The following GUCY2F variants were observed in gnomAD, a reference collection of about 807,000 sequenced individuals.
The protein encoded by GUCY2F is guanylate cyclase 2F, retinal, also known as retinal guanylyl cyclase 2.
A neutral mutation model predicts 73.1 loss-of-function variants in GUCY2F; 61 were observed. The observed-to-expected ratio is 0.83, with a 90% CI of 0.68 to 1.03. The LOEUF is 1.03. Among genes scored for constraint, GUCY2F ranks in the 50% least tolerant of loss-of-function variants. The probability of loss-of-function intolerance (pLI) is 0.00; values close to 1 mark genes in which losing one functional copy is unlikely to be tolerated. For synonymous variants in GUCY2F, 331 were observed against 307.8 expected, an observed-to-expected ratio of 1.08 and a Z score of -0.79; for missense variants, 912 against 854.3, an observed-to-expected ratio of 1.07 and a Z score of -0.84.
At chrX:109,453,948 C>T in intron 3 of GUCY2F, 89 bp from the exon 4 acceptor site, 1 of 490,148 alleles carries the variant, frequency 2.0e-6, no homozygotes, top group Non-Finnish European at 3.3e-6. Context: ...TTATTATGGT[C>T]TGCACATCTG....
chrX:109,380,955 T>G, intron 17 of GUCY2F, among the ~76,000 whole-genome samples: 1 of 111,901 alleles, frequency 8.9e-6, no homozygotes, highest in Non-Finnish European at 1.9e-5. Flanking sequence ...GACAGTTAGA[T>G]TCGCTGCCCA....
chrX:109,418,324 T>G (rs1425100559), intron 8 of GUCY2F, among the ~76,000 whole-genome samples: 1 of 112,019 alleles, frequency 8.9e-6, no homozygotes, highest in East Asian at 2.8e-4. Context: ...TTGATATTGA[T>G]AGGACTCTAT....
rs760536170 is a variant in GUCY2F at position 109,381,824 on chromosome X, G to A, written c.3150+294C>T. Among the ~76,000 whole-genome samples the A allele has an allele frequency of 4.4e-5, 5 of 112,752 alleles. No homozygotes were observed. The East Asian group carries it at 1.4e-3, about 32-fold the overall frequency. ...GTTAGAAAATGTAAATAATAGTGCA[G>A]CTCATTGGAAAGCCAAATTCTGTGC... On this transcript the variant is annotated intron_variant, in intron 17 of 19. Coordinates refer to ENST00000218006, the MANE Select transcript of GUCY2F (RefSeq NM_001522.3).
chrX:109,396,053 C>A (rs1366941059), intron 11 of GUCY2F, among the ~76,000 whole-genome samples: 1 of 112,364 alleles, frequency 8.9e-6, no homozygotes, highest in Non-Finnish European at 1.9e-5. Context: ...TGCATTATTT[C>A]ACTGGATTCT....
chrX:109,468,603 C>G (rs1932515676), intron 2 of GUCY2F, among the ~76,000 whole-genome samples: 1 of 111,696 alleles, frequency 9.0e-6, no homozygotes, highest in Non-Finnish European at 1.9e-5. Flanking sequence ...CTAAATCTCT[C>G]CTCTTTATTT....
intron 7 of GUCY2F, among the ~76,000 whole-genome samples, chrX:109,438,447 C>T (rs1338774609): frequency 8.9e-6 from 1 of 112,648 alleles, no homozygotes; most frequent in African/African-American, 3.2e-5. Flanking sequence ...CATGTTCTTC[C>T]GAAATACAAT....
At chrX:109,448,017 G>A (rs1437039068) in intron 6 of GUCY2F, 52 bp downstream of exon 6, 5 of 603,677 alleles carry the variant, frequency 8.3e-6, no homozygotes, top group African/African-American at 2.2e-5. Context: ...ATTATTTGTG[G>A]CTTGTGGCTA....
At chrX:109,404,297 G>T (rs754287758) in intron 10 of GUCY2F, 31 bp downstream of exon 10, 1 of 1,067,016 alleles carries the variant, frequency 9.4e-7, no homozygotes, top group Admixed American at 2.4e-5. Context: ...GTTACCTCGT[G>T]TGCATCAGAA....
chrX:109,468,624 G>A (rs1272620457), intron 2 of GUCY2F, among the ~76,000 whole-genome samples: 1 of 110,972 alleles, frequency 9.0e-6, no homozygotes, highest in Non-Finnish European at 1.9e-5. Context: ...TTCTTTCATT[G>A]ACCCATACTG....
intron 16 of GUCY2F, among the ~76,000 whole-genome samples, chrX:109,382,881 G>T (rs1305351775): frequency 9.0e-6 from 1 of 111,711 alleles, no homozygotes; most frequent in Non-Finnish European, 1.9e-5. Context: ...GAACCTAAGG[G>T]TAATTATTTG....
At chrX:109,471,265 T>C (rs1428119653) in intron 2 of GUCY2F, among the ~76,000 whole-genome samples, 1 of 111,586 alleles carries the variant, frequency 9.0e-6, no homozygotes, top group Non-Finnish European at 1.9e-5. Context: ...TAAGCCCAGA[T>C]TGAAAGGATT....
intron 8 of GUCY2F, among the ~76,000 whole-genome samples, chrX:109,422,245 T>C (rs187475872): frequency 8.9e-6 from 1 of 111,891 alleles, no homozygotes; most frequent in East Asian, 2.8e-4. Context: ...ATAGAAAACA[T>C]ATTTTATAAA....
rs759874490 is a variant in GUCY2F, at chrX:109,404,426, C to A, written c.2027G>T (p.Cys676Phe). 1 of 1,191,508 alleles carries A rather than the reference C, an allele frequency of 8.4e-7. No individual in the cohort carries two copies. Among genetic ancestry groups the A allele is most frequent in the South Asian group, 1.8e-5 (1 of 56,371 alleles). Residue 676 changes from cysteine (C) to phenylalanine (F), a missense_variant, in exon 10 of 20, where the codon TGT becomes TTT. Transcript: ENST00000218006. ...TAGTACAAAACGCCCATCTACCACA[C>A]AGTTTCGAGACTTTAGCCTCCCATG... ...FVHGRLKSRN[C>F]VVDGRFVLKV...
intron 7 of GUCY2F, among the ~76,000 whole-genome samples, chrX:109,431,763 C>T (rs1349119510): frequency 9.1e-6 from 1 of 109,439 alleles, no homozygotes; most frequent in Non-Finnish European, 1.9e-5. Context: ...TATGGCACTG[C>T]ATCTGGAAAC....
At chrX:109,464,763 T>C (rs1470556763) in intron 3 of GUCY2F, among the ~76,000 whole-genome samples, 1 of 112,357 alleles carries the variant, frequency 8.9e-6, no homozygotes, top group Non-Finnish European at 1.9e-5. Context: ...ATAAAGGAAA[T>C]AGTTTCTTAT....
intron 3 of GUCY2F, among the ~76,000 whole-genome samples, chrX:109,463,371 C>T (rs780188147): frequency 1.8e-4 from 20 of 109,427 alleles, no homozygotes; most frequent in Admixed American, 7.8e-4. Flanking sequence ...GGGACACAAT[C>T]GTGACAAACA....
rs186012129 is a variant in GUCY2F at position 109,439,987 on chromosome X, C to A, written c.1701+1364G>T. Among the ~76,000 whole-genome samples, 500 of 112,268 alleles carry A rather than the reference C, an allele frequency of 4.5e-3. 12 individuals are homozygous for A. Among genetic ancestry groups the A allele is most frequent in the Admixed American group, 0.037 (390 of 10,562 alleles). On this transcript the variant is annotated intron_variant, in intron 7 of 19. Transcript: ENST00000218006. ...GCATTCCCTTCAAAAGTGTTCCAGC[C>A]TCTCCCCATTACCCAGTTCCAAAGC...
intron 8 of GUCY2F, among the ~76,000 whole-genome samples, chrX:109,416,200 G>GA (rs200345517): frequency 2.5e-4 from 27 of 107,174 alleles, no homozygotes; most frequent in African/African-American, 7.4e-4. Context: ...CATACTCCAG[G>GA]AAAAAAAAAG....
rs374775587 is a variant in GUCY2F, at chrX:109,382,536, G to A, written c.3056-324C>T. On this transcript the variant is annotated intron_variant, in intron 16 of 19. Transcript: ENST00000218006. ...ACTGTGCTCTCAGCTGAAACGTGACGTCATTTGAAGAAAGCTTGACTTCAG... is the reference window on the plus strand; with the variant it reads ...ACTGTGCTCTCAGCTGAAACGTGACATCATTTGAAGAAAGCTTGACTTCAG... Among the ~76,000 whole-genome samples the A allele has an allele frequency of 1.0e-3, 115 of 112,437 alleles. No homozygotes were observed. The South Asian group carries it at 0.022, about 21-fold the overall frequency.
Sources: gnomAD v4.1 joint callset for allele counts (sites outside exome capture counted in the v4.1 genomes callset) on GRCh38, gnomAD v4.1.1 for gene constraint, MANE v1.5 for transcripts, NCBI Gene and HGNC (gene_info 2026-07-23, HGNC 2026-07-21) for gene names.